IL1RAPL1: variants seen among roughly 807,000 people sequenced by gnomAD.
The protein encoded by IL1RAPL1 is interleukin-1 receptor accessory protein-like 1.
A neutral mutation model predicts 48.4 loss-of-function variants in IL1RAPL1; 3 were observed. The ratio of observed to expected loss-of-function variants is 0.06; its 90% CI spans 0.03 to 0.16. The LOEUF (loss-of-function observed/expected upper bound fraction) is 0.16, where lower values mean the gene tolerates loss of function less well. Among genes scored for constraint, IL1RAPL1 ranks in the 10% least tolerant of loss-of-function variants. The pLI, the probability that IL1RAPL1 is intolerant of heterozygous loss-of-function variation, is 1.00. For missense variants in IL1RAPL1, 349 were observed against 530.6 expected, an observed-to-expected ratio of 0.66 and a Z score of 3.36; for synonymous variants, 185 against 187.7, an observed-to-expected ratio of 0.99 and a Z score of 0.12.
intron 2 of IL1RAPL1, among the ~76,000 whole-genome samples, chrX:29,158,931 T>C (rs868171833): frequency 3.6e-5 from 2 of 55,677 alleles, no homozygotes; most frequent in East Asian, 5.4e-4. Context: ...TCTCTCTCTC[T>C]CCCCCCCCCT....
intron 2 of IL1RAPL1, among the ~76,000 whole-genome samples, chrX:28,882,735 T>C (rs1234771659): frequency 8.9e-6 from 1 of 111,815 alleles, no homozygotes; most frequent in Non-Finnish European, 1.9e-5. Flanking sequence ...CTGCCCTACA[T>C]GAAATGCTAA....
intron 3 of IL1RAPL1, among the ~76,000 whole-genome samples, chrX:29,367,915 A>C (rs967237942): frequency 7.7e-4 from 84 of 109,556 alleles, no homozygotes; most frequent in African/African-American, 2.7e-3. Flanking sequence ...TTATATATAT[A>C]TCTTTATACA....
At chrX:29,383,468 C>G (rs1278460332) in intron 3 of IL1RAPL1, among the ~76,000 whole-genome samples, 1 of 112,024 alleles carries the variant, frequency 8.9e-6, no homozygotes, top group Admixed American at 9.5e-5. Context: ...TACATTCTGA[C>G]AACTGAAATG....
intron 2 of IL1RAPL1, among the ~76,000 whole-genome samples, chrX:29,229,949 A>G (rs1931160542): frequency 1.8e-5 from 2 of 112,080 alleles, no homozygotes; most frequent in South Asian, 3.7e-4. Context: ...GCACACTGCT[A>G]TTTACTGAGC....
intron 3 of IL1RAPL1, among the ~76,000 whole-genome samples, chrX:29,294,331 A>G (rs1481167037): frequency 9.1e-6 from 1 of 109,496 alleles, no homozygotes; most frequent in Non-Finnish European, 1.9e-5. Context: ...GATCGAGACC[A>G]TCCTGGCTAA....
chrX:29,752,711 GT>G (rs2147141550), intron 6 of IL1RAPL1, among the ~76,000 whole-genome samples: 1 of 110,813 alleles, frequency 9.0e-6, no homozygotes, highest in East Asian at 2.9e-4. Flanking sequence ...ACATCTGAGA[GT>G]TTATTTTGCA....
At chrX:29,839,427 A>G (rs1418854655) in intron 6 of IL1RAPL1, among the ~76,000 whole-genome samples, 1 of 112,354 alleles carries the variant, frequency 8.9e-6, no homozygotes, top group African/African-American at 3.2e-5. Flanking sequence ...ATGTCATCCC[A>G]CTGACCTCTA....
In IL1RAPL1 at chrX:29,562,127, T is replaced by A. The variant is rs887706473; in HGVS notation, c.704-106303T>A. The stretch of plus-strand genomic sequence containing the variant: ...TATCTATCTATCTAATCTATCTATC[T>A]ATCTATCTATCTATCTATCTATCTA... On this transcript the variant is annotated intron_variant, in intron 5 of 10. Coordinates refer to ENST00000378993, the MANE Select transcript of IL1RAPL1 (RefSeq NM_014271.4). Among the ~76,000 whole-genome samples, 208 of 82,204 alleles carry A rather than the reference T, an allele frequency of 2.5e-3. 2 individuals carry two copies. Among genetic ancestry groups the A allele is most frequent in the African/African-American group, 0.01 (204 of 19,569 alleles). The allele number at this position is 82,204 out of a possible 115,157, so 71.4% of individuals were successfully genotyped here.
At chrX:28,961,216 A>C (rs903109877) in intron 2 of IL1RAPL1, among the ~76,000 whole-genome samples, 3 of 110,828 alleles carry the variant, frequency 2.7e-5, no homozygotes, top group Non-Finnish European at 5.7e-5. Flanking sequence ...TGTTGCTCTG[A>C]TAGGGACCAC....
At position 29,919,849 on chromosome X, in the gene IL1RAPL1, G is replaced by T. The variant is rs1426815339; in HGVS notation, c.912-100G>T. 3.7e-6 allele frequency: 3 copies of T among 804,137 alleles called. No homozygotes were observed. In the African/African-American group the frequency reaches 6.1e-5, roughly 16 times the overall value. The allele number at this position is 804,137 out of a possible 1,213,427, so 66.3% of individuals were successfully genotyped here. Reference sequence around the variant, plus strand: ...TAGCCAAATTAGAAGCACAGATTTTGTAGGTAGTTTTACATCAGATTCGGA... The same window carrying T: ...TAGCCAAATTAGAAGCACAGATTTTTTAGGTAGTTTTACATCAGATTCGGA... On this transcript the variant is annotated intron_variant, in intron 7 of 10. Coordinates refer to ENST00000378993, the MANE Select transcript of IL1RAPL1 (RefSeq NM_014271.4).
At chrX:29,149,774 G>A (rs181430074) in intron 2 of IL1RAPL1, among the ~76,000 whole-genome samples, 11 of 112,026 alleles carry the variant, frequency 9.8e-5, no homozygotes, top group Admixed American at 2.9e-4. Context: ...AGAAGATTGA[G>A]TTCAGAAGAT....
chrX:28,688,061 G>A (rs1423219606), intron 1 of IL1RAPL1, among the ~76,000 whole-genome samples: 1 of 94,883 alleles, frequency 1.1e-5, no homozygotes. Context: ...CCGAGACTGC[G>A]TCACTGCAGT....
chrX:29,195,557 C>T (rs867127305), intron 2 of IL1RAPL1, among the ~76,000 whole-genome samples: 1 of 79,915 alleles, frequency 1.3e-5, no homozygotes, highest in African/African-American at 4.7e-5. Flanking sequence ...TAACTAATTA[C>T]TTTTTTTTTT....
chrX:29,198,843 G>T (rs1602107585), intron 2 of IL1RAPL1, among the ~76,000 whole-genome samples: 1 of 111,447 alleles, frequency 9.0e-6, no homozygotes, highest in East Asian at 2.8e-4. Flanking sequence ...AAACTTTCAG[G>T]CAGTTTTTAT....
At chrX:28,901,306 C>T (rs943084252) in intron 2 of IL1RAPL1, among the ~76,000 whole-genome samples, 2 of 112,010 alleles carry the variant, frequency 1.8e-5, no homozygotes, top group African/African-American at 6.5e-5. Flanking sequence ...TTAACTCCCT[C>T]TTGTTTCACT....
At chrX:29,301,509 A>G (rs1932534062) in intron 3 of IL1RAPL1, among the ~76,000 whole-genome samples, 1 of 112,396 alleles carries the variant, frequency 8.9e-6, no homozygotes, top group Non-Finnish European at 1.9e-5. Flanking sequence ...CACATTGTGT[A>G]TAAGTATCCA....
chrX:29,585,656 C>G (rs968316561), intron 5 of IL1RAPL1, among the ~76,000 whole-genome samples: 2 of 111,893 alleles, frequency 1.8e-5, no homozygotes, highest in Non-Finnish European at 3.8e-5. Flanking sequence ...TGCCAGGGTC[C>G]TAATTTCTCC....
At chrX:28,946,754 T>C (rs1312814669) in intron 2 of IL1RAPL1, among the ~76,000 whole-genome samples, 1 of 111,334 alleles carries the variant, frequency 9.0e-6, no homozygotes, top group Non-Finnish European at 1.9e-5. Flanking sequence ...TTTAGTATGC[T>C]CCTTGAAGGC....
chrX:29,677,556 CA>C (rs1343985214), intron 6 of IL1RAPL1, among the ~76,000 whole-genome samples: 1 of 111,987 alleles, frequency 8.9e-6, no homozygotes, highest in Non-Finnish European at 1.9e-5. Flanking sequence ...TGATCACCCC[CA>C]TAAGTTTTCC....
Sources: allele counts gnomAD v4.1 joint callset (sites outside exome capture counted in the v4.1 genomes callset), GRCh38; gene constraint gnomAD v4.1.1; transcripts MANE v1.5; gene names NCBI Gene and HGNC (gene_info 2026-07-23, HGNC 2026-07-21).